The following PRDM16 variants were observed in gnomAD, a reference collection of about 807,000 sequenced individuals.
PRDM16 encodes PR/SET domain 16, also known as histone-lysine N-methyltransferase PRDM16.
In PRDM16, 23 loss-of-function variants were observed where a neutral mutation model predicts 110.6. The observed-to-expected ratio is 0.21, with a 90% CI of 0.15 to 0.29. PRDM16 has a LOEUF of 0.29. PRDM16 is among the 10% of genes least tolerant of loss of function. The pLI, the probability that PRDM16 is intolerant of heterozygous loss-of-function variation, is 1.00. For missense variants in PRDM16, 1,615 were observed against 1,794.3 expected (o/e 0.90, Z 1.81); for synonymous variants, 799 against 781.8 (o/e 1.02, Z -0.37).
intron 1 of PRDM16, among the ~76,000 whole-genome samples, chr1:3,140,610 C>G (rs1236316325): frequency 3.3e-5 from 5 of 152,216 alleles, no homozygotes; most frequent in Admixed American, 3.3e-4. Context: ...TCTTTTGCAG[C>G]GATATTTTAC....
intron 1 of PRDM16, among the ~76,000 whole-genome samples, chr1:3,141,632 C>G (rs1232392313): frequency 6.6e-6 from 1 of 152,238 alleles, no homozygotes; most frequent in Non-Finnish European, 1.5e-5. Context: ...GGGCGGGCCA[C>G]AACGTGGTGG....
At chr1:3,337,753 A>G (rs1184551391) in intron 3 of PRDM16, among the ~76,000 whole-genome samples, 1 of 152,208 alleles carries the variant, frequency 6.6e-6, no homozygotes, top group Non-Finnish European at 1.5e-5. Context: ...CCCAGAGAGC[A>G]CACGATAGAG....
At chr1:3,413,870 G>C (rs999187780) in intron 9 of PRDM16, among the ~76,000 whole-genome samples, 2 of 152,176 alleles carry the variant, frequency 1.3e-5, no homozygotes, top group Non-Finnish European at 2.9e-5. Flanking sequence ...CAGTGAGCAG[G>C]CTTGTCACCG....
rs1642460106 is a variant in PRDM16, at chr1:3,350,445, C to A, written c.439-34707C>A. Among the ~76,000 whole-genome samples, 1 of 152,208 alleles carries A rather than the reference C, an allele frequency of 6.6e-6. No homozygotes were observed. Among genetic ancestry groups the A allele is most frequent in the Non-Finnish European group, 1.5e-5 (1 of 68,026 alleles). ...GGGCTCTACTGCTCCGTCTGTGCAG[C>A]CTGGGGCTGCAGTCAGGGTCAGGTT... On this transcript the variant is annotated intron_variant, in intron 3 of 16. Transcript: ENST00000270722. This position sits in a 1 kb window ranked among gnomAD's most constrained non-coding sequence, Gnocchi z 7.1.
chr1:3,275,052 G>A (rs536443980), intron 3 of PRDM16, among the ~76,000 whole-genome samples: 55 of 152,350 alleles, frequency 3.6e-4, no homozygotes, highest in African/African-American at 1.1e-3. Context: ...GCAGGAGCAC[G>A]GATCTGGCTG....
At chr1:3,229,295 A>C (rs772285330) in intron 2 of PRDM16, among the ~76,000 whole-genome samples, 20 of 152,178 alleles carry the variant, frequency 1.3e-4, no homozygotes, top group Non-Finnish European at 2.6e-4. Flanking sequence ...ACAGTCCAGC[A>C]CAGAAGCAGT....
chr1:3,279,785 G>C (rs1455663879), intron 3 of PRDM16, among the ~76,000 whole-genome samples: 2 of 152,042 alleles, frequency 1.3e-5, no homozygotes, highest in African/African-American at 4.8e-5. Flanking sequence ...CTGAGGACCA[G>C]AGCCTGCGGG....
At chr1:3,139,903 G>A (rs1226067810) in intron 1 of PRDM16, among the ~76,000 whole-genome samples, 1 of 152,228 alleles carries the variant, frequency 6.6e-6, no homozygotes, top group Non-Finnish European at 1.5e-5. Flanking sequence ...CCCCTCGCCG[G>A]GCTCTGGCTG....
At chr1:3,159,830 G>T (rs973300097) in intron 1 of PRDM16, among the ~76,000 whole-genome samples, 17 of 152,130 alleles carry the variant, frequency 1.1e-4, no homozygotes, top group Non-Finnish European at 2.2e-4. Context: ...CATCGAAGTG[G>T]GCTCAGGCGA....
chr1:3,070,508 T>G (rs1641724897), intron 1 of PRDM16, among the ~76,000 whole-genome samples: 1 of 150,178 alleles, frequency 6.7e-6, no homozygotes, highest in East Asian at 2.0e-4. Context: ...CGGCGCCGCC[T>G]GCTCCCGCCG....
chr1:3,197,158 C>A (rs1179763363), intron 2 of PRDM16, among the ~76,000 whole-genome samples: 1 of 152,202 alleles, frequency 6.6e-6, no homozygotes, highest in East Asian at 1.9e-4. Flanking sequence ...CTTGGGACAT[C>A]ACCATCTCCT....
chr1:3,203,208 T>TGG, intron 2 of PRDM16, among the ~76,000 whole-genome samples: 1 of 152,282 alleles, frequency 6.6e-6, no homozygotes, highest in East Asian at 1.9e-4. Flanking sequence ...AGGCTATGGG[T>TGG]GGTGGGGGGC....
intron 12 of PRDM16, 76 bp downstream of exon 12, chr1:3,418,820 G>A (rs1377907113): frequency 8.8e-7 from 1 of 1,136,702 alleles, no homozygotes; most frequent in African/African-American, 1.5e-5. Context: ...CTAGGAGTAA[G>A]TATGCCATTC....
intron 3 of PRDM16, among the ~76,000 whole-genome samples, chr1:3,352,612 A>G (rs1393452142): frequency 6.6e-6 from 1 of 152,212 alleles, no homozygotes; most frequent in African/African-American, 2.4e-5. Context: ...TCTGATGAGA[A>G]CCGCGCAGCA....
At chr1:3,343,418 T>A (rs897334784) in intron 3 of PRDM16, among the ~76,000 whole-genome samples, 2 of 151,642 alleles carry the variant, frequency 1.3e-5, no homozygotes, top group Non-Finnish European at 2.9e-5. Context: ...CCCCAATGAG[T>A]GGCCTGGCTT....
chr1:3,244,947 G>C lies in PRDM16; in HGVS notation c.438+810G>C, dbSNP rs964780180. On this transcript the variant is annotated intron_variant, in intron 3 of 16. Transcript: ENST00000270722. The surrounding 1 kb of genome is among the most constrained non-coding windows in gnomAD (Gnocchi z 4.1). ...GTGGTGGCTGATCTCCTATTTTTTG[G>C]GGGGGGGTTTCTAGTAAAATTAAAG... Among the ~76,000 whole-genome samples the C allele has an allele frequency of 6.6e-6, 1 of 150,794 alleles. No homozygotes were observed.
rs1261321505 is a variant in PRDM16 at position 3,175,188 on chromosome 1, C to G, written c.38-10937C>G. On this transcript the variant is annotated intron_variant, in intron 1 of 16. Coordinates refer to ENST00000270722, the MANE Select transcript of PRDM16 (RefSeq NM_022114.4). This position sits in a 1 kb window ranked among gnomAD's most constrained non-coding sequence, Gnocchi z 4.8. Reference sequence around the variant, plus strand: ...TTAAAGACAGAAGAACAAGATAGAACTCCATCAGTTCCCAAGTTTCTCTTT... The same window carrying G: ...TTAAAGACAGAAGAACAAGATAGAAGTCCATCAGTTCCCAAGTTTCTCTTT... Among the ~76,000 whole-genome samples the G allele has an allele frequency of 6.6e-6, 1 of 152,228 alleles. No homozygotes were observed. Among genetic ancestry groups the G allele is most frequent in the Non-Finnish European group, 1.5e-5 (1 of 68,040 alleles).
intron 5 of PRDM16, among the ~76,000 whole-genome samples, chr1:3,400,158 G>T (rs1643443567): frequency 1.3e-5 from 2 of 152,230 alleles, no homozygotes; most frequent in African/African-American, 2.4e-5. Flanking sequence ...CCATGGGCAG[G>T]CTGCAGGCCC....
At chr1:3,137,711 A>G (rs1427134360) in intron 1 of PRDM16, among the ~76,000 whole-genome samples, 1 of 152,228 alleles carries the variant, frequency 6.6e-6, no homozygotes, top group Admixed American at 6.5e-5. Flanking sequence ...GGTTGATGAA[A>G]TATTCCTGAC....
Sources: allele counts gnomAD v4.1 joint callset (sites outside exome capture counted in the v4.1 genomes callset), GRCh38; gene constraint gnomAD v4.1.1; non-coding constraint Gnocchi (gnomAD v3.1); transcripts MANE v1.5; gene names NCBI Gene and HGNC (gene_info 2026-07-23, HGNC 2026-07-21).